Variants in CRTAC1 observed in about 807,000 individuals in gnomAD.
The protein encoded by CRTAC1 is cartilage acidic protein 1.
A neutral mutation model predicts 67.8 loss-of-function variants in CRTAC1; 37 were observed. The ratio of observed to expected loss-of-function variants is 0.55; its 90% CI spans 0.42 to 0.72. The LOEUF (loss-of-function observed/expected upper bound fraction) is 0.72. Among genes scored for constraint, CRTAC1 ranks in the 30% least tolerant of loss-of-function variants. CRTAC1 has a pLI of 0.00. For missense variants in CRTAC1, 780 were observed against 931.6 expected (o/e 0.84, Z 2.12); for synonymous variants, 348 against 371.0 (o/e 0.94, Z 0.71).
intron 11 of CRTAC1, among the ~76,000 whole-genome samples, chr10:97,889,132 G>C (rs555337458): frequency 8.0e-5 from 12 of 150,636 alleles, no homozygotes. Context: ...GGGAGGGAAG[G>C]GGGGGAGGGG....
chr10:97,882,813 A>G lies in CRTAC1; in HGVS notation c.1648T>C (p.Ser550Pro). Residue 550 changes from serine to proline, a missense_variant, in exon 13 of 15, where the codon TCC (serine) becomes CCC (proline). By Grantham distance (74) the Ser-to-Pro change is moderately conservative. Coordinates refer to ENST00000370597, the MANE Select transcript of CRTAC1 (RefSeq NM_018058.7). ...ATGCAATGGCCATTTTCCTGCTGGG[A>G]GAATCCTTGGCCACACTGTAAGGTG... Reference protein sequence around the residue: ...PAPLECGQGFSQQENGHCMDT... With the variant: ...PAPLECGQGFPQQENGHCMDT... The G allele has an allele frequency of 6.2e-7, 1 of 1,614,174 alleles. No homozygotes were observed. The highest frequency in any genetic ancestry group is 8.5e-7 in the Non-Finnish European group (1 of 1,180,036).
At chr10:97,966,993 ACC>A (rs55769291) in intron 2 of CRTAC1, among the ~76,000 whole-genome samples, 56,854 of 130,202 alleles carry the variant, frequency 0.44, 11,497 homozygotes, top group South Asian at 0.5. Context: ...TTGTAAAGTC[ACC>A]CCCCCCCCCC....
intron 2 of CRTAC1, among the ~76,000 whole-genome samples, chr10:97,954,399 C>T (rs762584450): frequency 1.3e-5 from 2 of 152,148 alleles, no homozygotes; most frequent in African/African-American, 2.4e-5. Context: ...CTGAGCATTA[C>T]AAATCACTGA....
At position 98,030,006 on chromosome 10, in the gene CRTAC1, C is replaced by T. The variant is rs761476911; in HGVS notation, c.24+443G>A. 2.6e-5 allele frequency among the ~76,000 whole-genome samples: 4 copies of T among 152,074 alleles called. No individual in the cohort carries two copies. The highest frequency in any genetic ancestry group is 4.4e-5 in the Non-Finnish European group (3 of 67,978). On this transcript the variant is annotated intron_variant, in intron 1 of 14. Coordinates refer to ENST00000370597, the MANE Select transcript of CRTAC1 (RefSeq NM_018058.7). The surrounding 1 kb of genome is among the most constrained non-coding windows in gnomAD (Gnocchi z 4.2). The stretch of plus-strand genomic sequence containing the variant: ...CTTCCCCAGCCTGGAAGCGTAGGCA[C>T]TCGGCCGAGGCCAGTGGCTTCCCAG...
chr10:97,881,510 G>C (rs1355909942), intron 13 of CRTAC1, among the ~76,000 whole-genome samples: 1 of 152,204 alleles, frequency 6.6e-6, no homozygotes, highest in African/African-American at 2.4e-5. Flanking sequence ...TAGAATGGAT[G>C]CCCCTCTTGT....
At chr10:97,875,855 A>G (rs1256385447) in intron 14 of CRTAC1, 2 of 152,186 alleles carry the variant, frequency 1.3e-5, no homozygotes, top group South Asian at 2.1e-4. Flanking sequence ...GTGACACATA[A>G]TCAAACTCCT....
At chr10:97,932,543 A>G (rs986411205) in intron 3 of CRTAC1, among the ~76,000 whole-genome samples, 4 of 152,194 alleles carry the variant, frequency 2.6e-5, no homozygotes, top group Admixed American at 1.3e-4. Flanking sequence ...TAATGGGGGT[A>G]CAATTTTAGA....
At chr10:97,910,119 A>T (rs149314820) in intron 5 of CRTAC1, among the ~76,000 whole-genome samples, 247 of 152,352 alleles carry the variant, frequency 1.6e-3, no homozygotes, top group African/African-American at 5.5e-3. Context: ...GAATAAGTTC[A>T]AGAGATCCAT....
intron 2 of CRTAC1, among the ~76,000 whole-genome samples, chr10:97,966,174 G>A (rs1357571713): frequency 6.6e-6 from 1 of 152,210 alleles, no homozygotes; most frequent in East Asian, 1.9e-4. Context: ...CACCTCCTGG[G>A]TTCAAGCAAT....
intron 5 of CRTAC1, among the ~76,000 whole-genome samples, chr10:97,910,913 A>G (rs2050681206): frequency 6.6e-6 from 1 of 152,248 alleles, no homozygotes. Flanking sequence ...CCGCATGAAA[A>G]TGAAGCCACT....
intron 2 of CRTAC1, among the ~76,000 whole-genome samples, chr10:97,953,501 CTG>C (rs2051393390): frequency 6.6e-6 from 1 of 152,154 alleles, no homozygotes; most frequent in Non-Finnish European, 1.5e-5. Context: ...TAGAGGAACA[CTG>C]TCTGTGTTGG....
intron 2 of CRTAC1, among the ~76,000 whole-genome samples, chr10:97,977,151 A>G (rs1370366952): frequency 6.6e-6 from 1 of 152,224 alleles, no homozygotes; most frequent in Non-Finnish European, 1.5e-5. Context: ...TAAGTTCTGA[A>G]CAGCTGGACC....
chr10:97,985,398 C>T (rs1293609230), intron 2 of CRTAC1, among the ~76,000 whole-genome samples: 1 of 152,088 alleles, frequency 6.6e-6, no homozygotes. Context: ...AAAAATACAC[C>T]AGTCTATGGG....
In CRTAC1 at chr10:97,896,928, C is replaced by A. The variant is rs866719793; in HGVS notation, c.1197G>T (p.Glu399Asp). ...CCTCACCTGTGCCCCGGCCCTCAGG[C>A]TCCAAGGCGTCGCCGGGATTGAGCT... The part of the protein sequence containing the change: ...IEELNPGDAL[E>D]PEGRGTGGVV... The change falls in exon 9 of 15, where the codon GAG (glutamate) becomes GAT (aspartate). Residue 399 changes from glutamate to aspartate, a missense_variant. Coordinates refer to ENST00000370597, the MANE Select transcript of CRTAC1 (RefSeq NM_018058.7). 6.4e-7 allele frequency: 1 copy of A among 1,558,464 alleles called. No individual in the cohort carries two copies. The highest frequency in any genetic ancestry group is 8.7e-7 in the Non-Finnish European group (1 of 1,150,426).
chr10:97,963,269 G>C (rs2136644524), intron 2 of CRTAC1, among the ~76,000 whole-genome samples: 1 of 152,140 alleles, frequency 6.6e-6, no homozygotes, highest in East Asian at 1.9e-4. Context: ...TCCTGGACTG[G>C]TAGTTCTCAA....
chr10:97,882,746 C>T (rs117188191), intron 13 of CRTAC1, 40 bp downstream of exon 13: 484 of 1,609,324 alleles, frequency 3.0e-4, no homozygotes, highest in Non-Finnish European at 3.8e-4. Flanking sequence ...AGGGAGATTC[C>T]GGCCTCTACC....
At chr10:97,955,803 G>A (rs2051431200) in intron 2 of CRTAC1, among the ~76,000 whole-genome samples, 1 of 152,196 alleles carries the variant, frequency 6.6e-6, no homozygotes, top group South Asian at 2.1e-4. Context: ...CACATCATAT[G>A]CATGGGTGCA....
chr10:97,919,140 C>T (rs1475520071), intron 4 of CRTAC1, among the ~76,000 whole-genome samples: 1 of 152,040 alleles, frequency 6.6e-6, no homozygotes, highest in Non-Finnish European at 1.5e-5. Flanking sequence ...TTAAGAGCCA[C>T]ATGAGTCTGT....
intron 2 of CRTAC1, among the ~76,000 whole-genome samples, chr10:97,987,886 C>T (rs2136669762): frequency 6.6e-6 from 1 of 152,278 alleles, no homozygotes; most frequent in Admixed American, 6.5e-5. Flanking sequence ...CAATCCTACC[C>T]CCTTTCCCAA....
Sources: gnomAD v4.1 joint callset for allele counts (sites outside exome capture counted in the v4.1 genomes callset) on GRCh38, gnomAD v4.1.1 for gene constraint, Gnocchi (gnomAD v3.1) non-coding constraint, MANE v1.5 for transcripts, NCBI Gene and HGNC (gene_info 2026-07-23, HGNC 2026-07-21) for gene names.